LRRC4C: variants seen among roughly 807,000 people sequenced by gnomAD.
The protein encoded by LRRC4C is leucine rich repeat containing 4C.
In LRRC4C, 5 loss-of-function variants were observed where a neutral mutation model predicts 33.6. The ratio of observed to expected loss-of-function variants is 0.15; its 90% confidence interval spans 0.08 to 0.31. LRRC4C has a LOEUF of 0.31. Ranked by LOEUF, LRRC4C falls within the 10% of genes least tolerant of loss-of-function variation. The pLI is 1.00. For synonymous variants in LRRC4C, 329 were observed against 302.0 expected (o/e 1.09, Z -0.93); for missense variants, 560 against 796.7 (o/e 0.70, Z 3.58).
At chr11:40,847,197 G>A (rs1225191886) in intron 2 of LRRC4C, among the ~76,000 whole-genome samples, 1 of 152,124 alleles carries the variant, frequency 6.6e-6, no homozygotes, top group Admixed American at 6.5e-5. Flanking sequence ...AATAGGAGTG[G>A]TGAGAGAGGG....
rs1030881050 is a variant in LRRC4C at position 41,459,086 on chromosome 11, G to A, written c.-496+345C>T. Among the ~76,000 whole-genome samples the A allele has an allele frequency of 3.3e-5, 5 of 152,064 alleles. No homozygotes were observed. In the East Asian group the frequency reaches 9.7e-4, roughly 29 times the overall value. On this transcript the variant is annotated intron_variant, in intron 1 of 6. Transcript: ENST00000528697. ...CTCTAACTCAGAGCCTCTGCCAGTC[G>A]CTTTTCTGATTAATGTTTTTCCTCA...
Position 40,181,960 on chromosome 11 carries a change from A to C in LRRC4C, c.-95-41107T>G, listed in dbSNP as rs564605030. 1.6e-4 allele frequency among the ~76,000 whole-genome samples: 24 copies of C among 152,266 alleles called. No homozygotes were observed. In the South Asian group the frequency reaches 3.7e-3, roughly 24 times the overall value. On this transcript the variant is annotated intron_variant, in intron 5 of 6. Coordinates refer to ENST00000528697, the MANE Select transcript of LRRC4C (RefSeq NM_001258419.2). ...GTGGACACAAAATGAGAGTGATTCAAATATTTATTAATGTGAGGAAATGTA... is the reference window on the plus strand; with the variant it reads ...GTGGACACAAAATGAGAGTGATTCACATATTTATTAATGTGAGGAAATGTA...
intron 1 of LRRC4C, among the ~76,000 whole-genome samples, chr11:41,371,446 T>A (rs575825045): frequency 6.6e-6 from 1 of 152,322 alleles, no homozygotes; most frequent in South Asian, 2.1e-4. Flanking sequence ...AATGGTGGGC[T>A]TTTCGTGTTA....
chr11:40,694,717 C>A (rs1243752822), intron 2 of LRRC4C, among the ~76,000 whole-genome samples: 1 of 152,034 alleles, frequency 6.6e-6, no homozygotes, highest in Non-Finnish European at 1.5e-5. Context: ...CTCCCAGCAG[C>A]CAATAAAACA....
At chr11:40,990,483 A>T (rs1041083231) in intron 1 of LRRC4C, among the ~76,000 whole-genome samples, 1 of 151,954 alleles carries the variant, frequency 6.6e-6, no homozygotes, top group African/African-American at 2.4e-5. Flanking sequence ...AAACTGAAAG[A>T]GTCTGAATCC....
At chr11:40,403,999 T>C (rs1454882740) in intron 3 of LRRC4C, among the ~76,000 whole-genome samples, 1 of 152,190 alleles carries the variant, frequency 6.6e-6, no homozygotes, top group East Asian at 1.9e-4. Flanking sequence ...GGCTCCCTCC[T>C]GCACTGTCTA....
intron 4 of LRRC4C, among the ~76,000 whole-genome samples, chr11:40,274,466 C>CACAG (rs1432673518): frequency 4.0e-5 from 6 of 148,854 alleles, no homozygotes; most frequent in African/African-American, 1.5e-4. Flanking sequence ...CACACACACA[C>CACAG]AGAAACCACA....
At chr11:40,851,346 C>T (rs1953483214) in intron 2 of LRRC4C, among the ~76,000 whole-genome samples, 1 of 152,080 alleles carries the variant, frequency 6.6e-6, no homozygotes, top group Non-Finnish European at 1.5e-5. Context: ...AGAGCACTGT[C>T]CCTCACAGCA....
intron 2 of LRRC4C, among the ~76,000 whole-genome samples, chr11:40,814,287 C>A (rs1255836234): frequency 6.6e-6 from 1 of 152,114 alleles, no homozygotes; most frequent in East Asian, 1.9e-4. Flanking sequence ...TGGTCAATAC[C>A]ACATCAAAGC....
At chr11:41,185,547 T>C (rs928124484) in intron 1 of LRRC4C, among the ~76,000 whole-genome samples, 17 of 152,184 alleles carry the variant, frequency 1.1e-4, no homozygotes, top group Non-Finnish European at 7.3e-5. Context: ...TTGAATTTCA[T>C]ATTTCAATGC....
intron 1 of LRRC4C, among the ~76,000 whole-genome samples, chr11:41,055,957 A>C (rs1392089861): frequency 6.6e-6 from 1 of 152,178 alleles, no homozygotes; most frequent in Non-Finnish European, 1.5e-5. Context: ...ATATGCTTTT[A>C]ATGCATATTT....
At chr11:40,834,884 G>GCAGACAGACAGGCAGACAGA (rs1952591371) in intron 2 of LRRC4C, among the ~76,000 whole-genome samples, 1 of 122,170 alleles carries the variant, frequency 8.2e-6, no homozygotes, top group Non-Finnish European at 1.7e-5. Flanking sequence ...GAAAAGACAG[G>GCAGACAGACAGGCAGACAGA]CAGACAGACA....
chr11:41,122,257 A>AAAAC (rs1409230102), intron 1 of LRRC4C, among the ~76,000 whole-genome samples: 1 of 152,272 alleles, frequency 6.6e-6, no homozygotes, highest in East Asian at 1.9e-4. Flanking sequence ...ACAATAGGGT[A>AAAAC]AAACATACTT....
chr11:40,156,067 A>G (rs1858665808), intron 5 of LRRC4C, among the ~76,000 whole-genome samples: 1 of 152,140 alleles, frequency 6.6e-6, no homozygotes, highest in African/African-American at 2.4e-5. Flanking sequence ...CAATAAATGT[A>G]ATACACCACA....
chr11:40,402,937 T>C (rs992805430), intron 3 of LRRC4C, among the ~76,000 whole-genome samples: 14 of 152,244 alleles, frequency 9.2e-5, no homozygotes, highest in Non-Finnish European at 1.5e-4. Flanking sequence ...AGTGTACTTA[T>C]AATGTTGTTC....
intron 2 of LRRC4C, among the ~76,000 whole-genome samples, chr11:40,688,642 C>T (rs1185877903): frequency 6.6e-6 from 1 of 152,054 alleles, no homozygotes; most frequent in African/African-American, 2.4e-5. Flanking sequence ...ACACCAAATG[C>T]TCCTACGTCA....
chr11:40,197,324 T>G (rs1862343731), intron 5 of LRRC4C, among the ~76,000 whole-genome samples: 2 of 152,182 alleles, frequency 1.3e-5, no homozygotes, highest in South Asian at 4.1e-4. Context: ...AGACCGGCAC[T>G]CACCTATCAT....
chr11:40,973,655 G>C (rs962843877), intron 1 of LRRC4C, among the ~76,000 whole-genome samples: 1 of 152,134 alleles, frequency 6.6e-6, no homozygotes, highest in East Asian at 1.9e-4. Context: ...TTAAAAAATA[G>C]TGTAAATTCT....
chr11:41,252,470 G>A (rs1403108228), intron 1 of LRRC4C, among the ~76,000 whole-genome samples: 3 of 152,076 alleles, frequency 2.0e-5, no homozygotes, highest in African/African-American at 4.8e-5. Flanking sequence ...CTAAGAAAAG[G>A]GAATCCGGAC....
Sources: allele counts gnomAD v4.1 joint callset (sites outside exome capture counted in the v4.1 genomes callset), GRCh38; gene constraint gnomAD v4.1.1; transcripts MANE v1.5; gene names NCBI Gene and HGNC (gene_info 2026-07-23, HGNC 2026-07-21).